ASTN2: variants seen among roughly 807,000 people sequenced by gnomAD.
ASTN2 encodes astrotactin 2.
A neutral mutation model predicts 139.8 loss-of-function variants in ASTN2; 54 were observed. That is an observed-to-expected ratio of 0.39 (90% confidence interval 0.31 to 0.48). The LOEUF (loss-of-function observed/expected upper bound fraction) is 0.48. ASTN2 is among the 20% of genes least tolerant of loss of function. The pLI, the probability that ASTN2 is intolerant of heterozygous loss-of-function variation, is 0.95. For missense variants in ASTN2, 1,565 were observed against 1,725.1 expected, an observed-to-expected ratio of 0.91 and a Z score of 1.64; for synonymous variants, 756 against 719.5, an observed-to-expected ratio of 1.05 and a Z score of -0.81.
At chr9:116,518,475 A>G (rs775125352) in intron 19 of ASTN2, among the ~76,000 whole-genome samples, 2 of 152,186 alleles carry the variant, frequency 1.3e-5, no homozygotes, top group African/African-American at 2.4e-5. Flanking sequence ...ATTCACCATT[A>G]CCAAGCCAGC....
chr9:117,260,912 A>C (rs915904028), intron 2 of ASTN2, among the ~76,000 whole-genome samples: 1 of 152,208 alleles, frequency 6.6e-6, no homozygotes, highest in Non-Finnish European at 1.5e-5. Flanking sequence ...ACTCCATACA[A>C]CTGAAAAGTA....
At position 116,543,495 on chromosome 9, in the gene ASTN2, T is replaced by A. The variant is rs555622656; in HGVS notation, c.3356-55995A>T. On this transcript the variant is annotated intron_variant, in intron 19 of 22. Transcript: ENST00000313400. ...CACTGTTGTTGATCATGGTGTACAG[T>A]AGTTTTGCAACAGATTGCCATAAAA... Among the ~76,000 whole-genome samples, 4 of 151,890 alleles carry A rather than the reference T, an allele frequency of 2.6e-5. No homozygotes were observed. In the East Asian group the frequency reaches 7.7e-4, roughly 29 times the overall value.
At chr9:117,302,193 C>T (rs910696556) in intron 1 of ASTN2, among the ~76,000 whole-genome samples, 6 of 152,122 alleles carry the variant, frequency 3.9e-5, no homozygotes, top group Non-Finnish European at 1.5e-5. Context: ...CAAGACCCTT[C>T]CACCTTGTCC....
intron 13 of ASTN2, among the ~76,000 whole-genome samples, chr9:116,773,889 C>T (rs1161913128): frequency 1.3e-5 from 2 of 152,140 alleles, no homozygotes; most frequent in Non-Finnish European, 2.9e-5. Context: ...CTAAGGCATA[C>T]ATTGTTCCCA....
intron 6 of ASTN2, among the ~76,000 whole-genome samples, chr9:117,014,071 C>G (rs1274994705): frequency 6.6e-6 from 1 of 152,116 alleles, no homozygotes; most frequent in East Asian, 1.9e-4. Context: ...AAGATTCCCT[C>G]CCTTCTGTTA....
intron 7 of ASTN2, among the ~76,000 whole-genome samples, chr9:116,978,487 T>TCACGCGCACA (rs1240343774): frequency 7.8e-6 from 1 of 128,740 alleles, no homozygotes; most frequent in South Asian, 2.3e-4. Context: ...TCTCTCTCTC[T>TCACGCGCACA]CTCTCACGCA....
chr9:117,360,261 G>A (rs1450494243), intron 1 of ASTN2, among the ~76,000 whole-genome samples: 2 of 152,178 alleles, frequency 1.3e-5, no homozygotes, highest in Admixed American at 6.5e-5. Context: ...TGCTATCAAA[G>A]AGCTTATGGT....
chr9:116,755,916 CA>C (rs1430207063), intron 13 of ASTN2, among the ~76,000 whole-genome samples: 1 of 152,212 alleles, frequency 6.6e-6, no homozygotes, highest in Non-Finnish European at 1.5e-5. Context: ...CTGAGTGAGA[CA>C]AGTAATGGCT....
chr9:116,428,183 T>C (rs1246700187), intron 22 of ASTN2, among the ~76,000 whole-genome samples: 1 of 151,922 alleles, frequency 6.6e-6, no homozygotes, highest in Non-Finnish European at 1.5e-5. Flanking sequence ...ATTATAGTAG[T>C]AGGGAAACAT....
intron 10 of ASTN2, among the ~76,000 whole-genome samples, chr9:116,944,127 C>A (rs944860143): frequency 6.6e-6 from 1 of 151,814 alleles, no homozygotes; most frequent in Non-Finnish European, 1.5e-5. Context: ...ATTATTATCT[C>A]CATTTTACAA....
intron 5 of ASTN2, among the ~76,000 whole-genome samples, chr9:117,071,575 C>T (rs1236582660): frequency 6.6e-6 from 1 of 150,810 alleles, no homozygotes; most frequent in Non-Finnish European, 1.5e-5. Context: ...TTTACCTAAG[C>T]AAGCCTGGGC....
At chr9:116,772,782 T>C (rs1829987549) in intron 13 of ASTN2, among the ~76,000 whole-genome samples, 2 of 152,190 alleles carry the variant, frequency 1.3e-5, no homozygotes, top group African/African-American at 2.4e-5. Context: ...CAGTCTCATC[T>C]TGGCTGCAGT....
intron 4 of ASTN2, among the ~76,000 whole-genome samples, chr9:117,102,844 A>G (rs1286598460): frequency 7.2e-5 from 11 of 151,858 alleles, no homozygotes; most frequent in Admixed American, 7.2e-4. Context: ...ATTTTATCTT[A>G]TGTGAATTAT....
intron 20 of ASTN2, among the ~76,000 whole-genome samples, chr9:116,481,543 A>G (rs947544431): frequency 6.6e-6 from 1 of 152,214 alleles, no homozygotes; most frequent in Admixed American, 6.5e-5. Flanking sequence ...CACAAAGTCT[A>G]TTGCCTTTCC....
chr9:116,741,564 A>G (rs1001475113), intron 13 of ASTN2, among the ~76,000 whole-genome samples: 53 of 152,190 alleles, frequency 3.5e-4, no homozygotes, highest in African/African-American at 1.2e-3. Flanking sequence ...TCTGACAACA[A>G]GCAGTTGGGA....
At chr9:117,064,986 A>C (rs1355424186) in intron 5 of ASTN2, among the ~76,000 whole-genome samples, 1 of 152,098 alleles carries the variant, frequency 6.6e-6, no homozygotes, top group Non-Finnish European at 1.5e-5. Flanking sequence ...TTGCAGATGC[A>C]TTTAAGTTCA....
intron 16 of ASTN2, among the ~76,000 whole-genome samples, chr9:116,681,111 A>T (rs994566883): frequency 6.6e-6 from 1 of 152,204 alleles, no homozygotes; most frequent in African/African-American, 2.4e-5. Flanking sequence ...ACATAATTGT[A>T]TATCTAGAAA....
chr9:117,128,310 G>T (rs1829746640), intron 4 of ASTN2, among the ~76,000 whole-genome samples: 1 of 148,376 alleles, frequency 6.7e-6, no homozygotes, highest in Non-Finnish European at 1.5e-5. Context: ...GGAGGTGGAG[G>T]TTGCAGTGGG....
chr9:116,592,783 A>G (rs1163178801), intron 19 of ASTN2, among the ~76,000 whole-genome samples: 1 of 152,168 alleles, frequency 6.6e-6, no homozygotes, highest in Admixed American at 6.5e-5. Flanking sequence ...CAGATACAGA[A>G]ACTGAGGCCC....
Sources: gnomAD v4.1 joint callset for allele counts (sites outside exome capture counted in the v4.1 genomes callset) on GRCh38, gnomAD v4.1.1 for gene constraint, MANE v1.5 for transcripts, NCBI Gene and HGNC (gene_info 2026-07-23, HGNC 2026-07-21) for gene names.